Variants in RAB17 observed in about 807,000 individuals in gnomAD.
The protein encoded by RAB17 is RAB17, member RAS oncogene family.
Under a neutral mutation model 19.3 loss-of-function variants are expected in RAB17, and 15 were observed. The ratio of observed to expected loss-of-function variants is 0.78; its 90% CI spans 0.52 to 1.20. The LOEUF (loss-of-function observed/expected upper bound fraction) is 1.20. Ranked by LOEUF, RAB17 falls within the 50% of genes most tolerant of loss-of-function variation. The pLI, the probability that RAB17 is intolerant of heterozygous loss-of-function variation, is 0.00. For synonymous variants in RAB17, 110 were observed against 112.8 expected (o/e 0.97, Z 0.16); for missense variants, 262 against 269.3 (o/e 0.97, Z 0.19).
intron 5 of RAB17, 24 bp from the exon 6 acceptor site, chr2:237,575,152 C>T (rs2081251500): frequency 1.9e-6 from 3 of 1,594,004 alleles, no homozygotes; most frequent in South Asian, 2.2e-5. Context: ...GAGGAGGGGG[C>T]TGGCTAGGGA....
chr2:237,575,362 TCTGGCC>T lies in RAB17; in HGVS notation c.529+19_529+24del. ...GTCAGGGACAAGCACCTCCCCCTTG[TCTGGCC>T]CACGGGGACGTGACTCACCCACTGT... On this transcript the variant is annotated intron_variant, in intron 5 of 5. Coordinates refer to ENST00000264601, the MANE Select transcript of RAB17 (RefSeq NM_022449.4). The T allele has an allele frequency of 6.3e-7, 1 of 1,576,642 alleles. No homozygotes were observed. Among genetic ancestry groups the T allele is most frequent in the South Asian group, 1.1e-5 (1 of 88,894 alleles).
rs112742374 is a variant in RAB17, at chr2:237,575,117, G to T, written c.541C>A (p.Leu181Met). 282 of 1,613,220 alleles carry T rather than the reference G, an allele frequency of 1.7e-4. 1 individual carries two copies. In the Middle Eastern group the frequency reaches 5.9e-3, roughly 34 times the overall value. Residue 181 changes from leucine (L) to methionine (M), a missense_variant, in exon 6 of 6, where the codon CTG becomes ATG. Transcript: ENST00000264601. ...TGGCCCTCCTCGTCGCTTCTCTGCAGTAGCTCTTGGGCTGTGAACAGCAAG... is the reference window on the plus strand; with the variant it reads ...TGGCCCTCCTCGTCGCTTCTCTGCATTAGCTCTTGGGCTGTGAACAGCAAG... ...EVFNTVAQEL[L>M]QRSDEEGQAL... is the part of the protein sequence containing the mutation.
rs942604140 is a variant in RAB17 at position 237,574,376 on chromosome 2, C to A, written c.*643G>T. ...AGGAAAAACTGCATACGCAGTACAA[C>A]TTATATCTCAGGCGAAATGTCTCAG... On this transcript the variant is annotated 3_prime_UTR_variant, in exon 6 of 6. Transcript: ENST00000264601. 68 of 1,517,100 alleles carry A rather than the reference C, an allele frequency of 4.5e-5. No homozygotes were observed. In the African/African-American group the frequency reaches 9.3e-4, roughly 21 times the overall value. 94.0% of individuals were successfully genotyped at this position (1,517,100 alleles called of 1,614,324 possible).
intron 1 of RAB17, among the ~76,000 whole-genome samples, chr2:237,590,241 G>T (rs536312984): frequency 6.6e-6 from 1 of 151,682 alleles, no homozygotes; most frequent in South Asian, 2.1e-4. Context: ...CTGGGAATCC[G>T]ACTTAGTGAG....
chr2:237,589,120 T>A (rs1020180401), intron 1 of RAB17, among the ~76,000 whole-genome samples: 1 of 150,654 alleles, frequency 6.6e-6, no homozygotes, highest in African/African-American at 2.5e-5. Flanking sequence ...CTCGGGAGGC[T>A]GAGGCAGGAA....
chr2:237,583,464 C>A (rs114432085), intron 2 of RAB17, among the ~76,000 whole-genome samples: 6,155 of 152,324 alleles, frequency 0.04, 176 homozygotes, highest in South Asian at 0.084. Context: ...ACCATGGTTC[C>A]CACAGGGGAC....
intron 1 of RAB17, among the ~76,000 whole-genome samples, chr2:237,588,193 C>A (rs1306417813): frequency 6.6e-6 from 1 of 151,842 alleles, no homozygotes; most frequent in East Asian, 1.9e-4. Flanking sequence ...AGGACTCTGC[C>A]CTCGTTAATC....
At chr2:237,587,110 AT>A (rs1280267946) in intron 1 of RAB17, among the ~76,000 whole-genome samples, 1 of 152,166 alleles carries the variant, frequency 6.6e-6, no homozygotes, top group Non-Finnish European at 1.5e-5. Context: ...GATACAGGCT[AT>A]TTTTTGGCAA....
At chr2:237,585,039 C>T (rs767106825) in intron 2 of RAB17, among the ~76,000 whole-genome samples, 4 of 152,242 alleles carry the variant, frequency 2.6e-5, no homozygotes, top group African/African-American at 4.8e-5. Flanking sequence ...CTTCAGGAAC[C>T]ACCCCCCTGA....
chr2:237,586,266 G>A, intron 1 of RAB17, 109 bp from the exon 2 acceptor site: 1 of 1,198,640 alleles, frequency 8.3e-7, no homozygotes, highest in Non-Finnish European at 1.1e-6. Flanking sequence ...GCCCAATACA[G>A]AGCTCCCAAC....
Position 237,574,864 on chromosome 2 carries a change from G to A in RAB17, c.*155C>T, listed in dbSNP as rs2081248333. 4 of 812,796 alleles carry A rather than the reference G, an allele frequency of 4.9e-6. 1 individual carries two copies. The highest frequency in any genetic ancestry group is 5.5e-6 in the Non-Finnish European group (3 of 544,702). 50.3% of individuals were successfully genotyped at this position (812,796 alleles called of 1,614,324 possible). On this transcript the variant is annotated 3_prime_UTR_variant, in exon 6 of 6. Coordinates refer to ENST00000264601, the MANE Select transcript of RAB17 (RefSeq NM_022449.4). ...AGATCTTCCTCTGGCAGTTCCCACT[G>A]GCTGTGGGAAGTGGTTTTCATAAAG...
At chr2:237,583,600 A>G (rs72990125) in intron 2 of RAB17, among the ~76,000 whole-genome samples, 14,539 of 152,228 alleles carry the variant, frequency 0.096, 880 homozygotes, top group Non-Finnish European at 0.13. Flanking sequence ...GGATGAAGGC[A>G]GCTCATGAGC....
intron 2 of RAB17, among the ~76,000 whole-genome samples, chr2:237,582,373 C>G (rs1219511637): frequency 2.0e-5 from 3 of 152,222 alleles, no homozygotes; most frequent in Non-Finnish European, 4.4e-5. Context: ...ACAGGGCCGG[C>G]CTTGGTGACC....
intron 2 of RAB17, among the ~76,000 whole-genome samples, chr2:237,583,026 C>T (rs2081319976): frequency 6.6e-6 from 1 of 152,200 alleles, no homozygotes; most frequent in African/African-American, 2.4e-5. Context: ...CACTTGAACC[C>T]AGGAGGCAGA....
chr2:237,579,771 G>GAGAACAGGAGGCTGGAGAA (rs1461183642), intron 2 of RAB17, among the ~76,000 whole-genome samples: 1 of 152,218 alleles, frequency 6.6e-6, no homozygotes, highest in African/African-American at 2.4e-5. Context: ...AGGCTGGACA[G>GAGAACAGGAGGCTGGAGAA]AGCTTTCCAG....
chr2:237,590,693 C>G lies in RAB17; in HGVS notation c.-230G>C, dbSNP rs116718654. 1 of 153,058 alleles carries G rather than the reference C, an allele frequency of 6.5e-6. No individual in the cohort carries two copies. Among genetic ancestry groups the G allele is most frequent in the African/African-American group, 2.4e-5 (1 of 41,456 alleles). The allele number at this position is 153,058 out of a possible 1,614,324, so 9.5% of individuals were successfully genotyped here. A position where few individuals can be genotyped will look rare whatever the true frequency, so the allele number is the denominator to read the frequency against. On this transcript the variant is annotated 5_prime_UTR_variant, in exon 1 of 6. Transcript: ENST00000264601. The stretch of plus-strand genomic sequence containing the variant: ...CAGAGCAATGCCCACTGGACCCCAG[C>G]GCCAAGGTCAGGCCTCTTCTCCTCC...
chr2:237,576,659 A>G (rs1241658347), intron 4 of RAB17: 1 of 471,214 alleles, frequency 2.1e-6, no homozygotes, highest in South Asian at 1.5e-5. Context: ...CCCATCAGCC[A>G]CTTGTCTGCA....
intron 1 of RAB17, among the ~76,000 whole-genome samples, chr2:237,586,779 A>G (rs1162356126): frequency 2.6e-5 from 4 of 152,172 alleles, no homozygotes; most frequent in Non-Finnish European, 5.9e-5. Context: ...TGTACACACC[A>G]CAATAGAGAG....
At chr2:237,586,239 T>C in intron 1 of RAB17, 82 bp from the exon 2 acceptor site, 1 of 1,460,696 alleles carries the variant, frequency 6.8e-7, no homozygotes. Context: ...GGGCTGCTTC[T>C]CGGTCAGGAG....
Sources: allele counts gnomAD v4.1 joint callset (sites outside exome capture counted in the v4.1 genomes callset), GRCh38; gene constraint gnomAD v4.1.1; transcripts MANE v1.5; gene names NCBI Gene and HGNC (gene_info 2026-07-23, HGNC 2026-07-21).